SLF1: variants seen among roughly 807,000 people sequenced by gnomAD.
SLF1 encodes the protein SMC5/6 complex localization factor 1, also known as SMC5-SMC6 complex localization factor protein 1.
In SLF1, 105 loss-of-function variants were observed where a neutral mutation model predicts 123.0. The ratio of observed to expected loss-of-function variants is 0.85; its 90% confidence interval spans 0.73 to 1.00. The LOEUF is 1.00. SLF1 is among the 50% of genes least tolerant of loss of function. The probability of loss-of-function intolerance (pLI) is 0.00; values close to 1 mark genes in which losing one functional copy is unlikely to be tolerated. For missense variants in SLF1, 1,239 were observed against 1,223.0 expected (o/e 1.01, Z -0.20); for synonymous variants, 434 against 406.6 (o/e 1.07, Z -0.81).
In SLF1 at chr5:94,688,620, A is replaced by T; in HGVS notation, c.2236A>T (p.Met746Leu). ...PCFDSQRTLLMLNGTKQKQVE... is the reference protein window; with the variant it reads ...PCFDSQRTLLLLNGTKQKQVE... ...TTTTGACTCTCAGAGAACCTTACTA[A>T]TGCTGAATGGTACTAAACAAAAACA... is the stretch of plus-strand genomic sequence containing the variant. The change falls in exon 17 of 21, where the codon ATG becomes TTG. Residue 746 changes from methionine (M) to leucine (L), a missense_variant. Physicochemically the swap from Met to Leu is conservative, Grantham distance 15 (BLOSUM62 2). Coordinates refer to ENST00000265140, the MANE Select transcript of SLF1 (RefSeq NM_032290.4). The T allele has an allele frequency of 6.2e-7, 1 of 1,614,116 alleles. No individual in the cohort carries two copies. Among genetic ancestry groups the T allele is most frequent in the Non-Finnish European group, 8.5e-7 (1 of 1,179,988 alleles).
At chr5:94,670,741 A>G (rs551876505) in intron 13 of SLF1, 102 bp from the exon 14 acceptor site, 71 of 775,388 alleles carry the variant, frequency 9.2e-5, no homozygotes, top group Non-Finnish European at 1.2e-4. Context: ...TTTATGATCT[A>G]TGTTCAAAAA....
intron 1 of SLF1, among the ~76,000 whole-genome samples, chr5:94,627,705 C>A (rs1744674332): frequency 6.7e-6 from 1 of 148,280 alleles, no homozygotes. Context: ...ACCATGAGTT[C>A]TATTAACTTC....
intron 1 of SLF1, among the ~76,000 whole-genome samples, chr5:94,620,462 C>T (rs1791663333): frequency 6.6e-6 from 1 of 152,168 alleles, no homozygotes. Flanking sequence ...TCGTAATAAG[C>T]ATCCACATTT....
intron 5 of SLF1, among the ~76,000 whole-genome samples, chr5:94,646,078 C>T (rs955013424): frequency 6.6e-6 from 1 of 152,084 alleles, no homozygotes; most frequent in Non-Finnish European, 1.5e-5. Context: ...TAGCGAGACT[C>T]CATATATACA....
intron 10 of SLF1, 123 bp from the exon 11 acceptor site, chr5:94,663,627 A>G: frequency 1.1e-6 from 1 of 872,890 alleles, no homozygotes; most frequent in Non-Finnish European, 1.7e-6. Flanking sequence ...CCTGGGTAAC[A>G]GAGTGAGACT....
At chr5:94,622,439 G>T (rs983646462) in intron 1 of SLF1, among the ~76,000 whole-genome samples, 2 of 151,976 alleles carry the variant, frequency 1.3e-5, no homozygotes, top group African/African-American at 4.8e-5. Flanking sequence ...GTATTAAGTG[G>T]CATGGAAAAA....
At chr5:94,642,251 G>A (rs1746533466) in intron 4 of SLF1, among the ~76,000 whole-genome samples, 2 of 152,174 alleles carry the variant, frequency 1.3e-5, no homozygotes, top group African/African-American at 2.4e-5. Flanking sequence ...CACTTATGCT[G>A]TCAAGGAGAG....
intron 4 of SLF1, among the ~76,000 whole-genome samples, chr5:94,637,882 A>G (rs12656300): frequency 0.22 from 33,837 of 151,978 alleles, 3,906 homozygotes; most frequent in East Asian, 0.34. Context: ...TGCACAAAGT[A>G]CTGTTGAAAT....
chr5:94,671,587 T>C (rs1425082220), intron 14 of SLF1, among the ~76,000 whole-genome samples: 2 of 151,628 alleles, frequency 1.3e-5, no homozygotes, highest in African/African-American at 2.4e-5. Flanking sequence ...CAGAATGATC[T>C]CCCTTTGGAA....
chr5:94,628,827 C>T lies in SLF1; in HGVS notation c.17C>T (p.Pro6Leu), dbSNP rs1441547057. 6.5e-6 allele frequency: 10 copies of T among 1,544,942 alleles called. No individual in the cohort carries two copies. The East Asian group carries it at 1.2e-4, about 19-fold the overall frequency. The change falls in exon 2 of 21, where the codon CCA becomes CTA. Residue 6 changes from proline to leucine, a missense_variant. Pro to Leu is a moderately conservative substitution (Grantham distance 98). Transcript: ENST00000265140. The part of the protein sequence containing the change: MEDGT[P>L]KHIIQMTGFK... ...ATTTGTTAGATGGAAGATGGTACCC[C>T]AAAGCATATCATCCAGATGACAGGA...
At chr5:94,653,475 T>A in intron 8 of SLF1, 54 bp downstream of exon 8, 1 of 1,378,580 alleles carries the variant, frequency 7.3e-7, no homozygotes, top group Non-Finnish European at 9.6e-7. Flanking sequence ...GGCTGTTCTC[T>A]GATATAATCT....
At chr5:94,634,835 A>T (rs150897328) in intron 4 of SLF1, among the ~76,000 whole-genome samples, 2 of 152,118 alleles carry the variant, frequency 1.3e-5, no homozygotes, top group Non-Finnish European at 2.9e-5. Flanking sequence ...TCTGTTGGCC[A>T]TTTGTTTATC....
chr5:94,619,089 C>T (rs528778249), intron 1 of SLF1, among the ~76,000 whole-genome samples: 5 of 152,118 alleles, frequency 3.3e-5, no homozygotes, highest in Non-Finnish European at 5.9e-5. Context: ...TTGCGCAGCT[C>T]TGCCGCTCGG....
intron 14 of SLF1, among the ~76,000 whole-genome samples, chr5:94,672,009 G>A (rs1226240348): frequency 3.3e-5 from 5 of 151,792 alleles, no homozygotes; most frequent in African/African-American, 1.2e-4. Flanking sequence ...TCTCTTTTTG[G>A]CTCCATATAA....
In SLF1 at chr5:94,670,255, G is replaced by A. The variant is rs1173078518; in HGVS notation, c.1637G>A (p.Ser546Asn). Reference protein sequence around the residue: ...LLKFFFNLIESEVQHLSQKLY... With the variant: ...LLKFFFNLIENEVQHLSQKLY... Reference sequence around the variant, plus strand: ...AAATTTTTCTTTAATTTAATTGAAAGTGAAGTACAACATCTGAGTCAAAAG... The same window carrying A: ...AAATTTTTCTTTAATTTAATTGAAAATGAAGTACAACATCTGAGTCAAAAG... Residue 546 changes from serine (S) to asparagine (N), a missense_variant, in exon 13 of 21, where the codon AGT (serine) becomes AAT (asparagine). By Grantham distance (46) the Ser-to-Asn change is conservative. Transcript: ENST00000265140. The A allele has an allele frequency of 3.3e-6, 5 of 1,508,978 alleles. No individual in the cohort carries two copies. Among genetic ancestry groups the A allele is most frequent in the African/African-American group, 1.4e-5 (1 of 70,370 alleles). 93.5% of individuals were successfully genotyped at this position (1,508,978 alleles called of 1,614,324 possible). A position where few individuals can be genotyped will look rare whatever the true frequency, so the allele number is the denominator to read the frequency against.
rs114137880 is a variant in SLF1, at chr5:94,626,707, T to G, written c.1-2104T>G. On this transcript the variant is annotated intron_variant, in intron 1 of 20. Transcript: ENST00000265140. ...TTTTGATATGGAACCATAGTGTGCTTCTTAGTACATAACCTCCGAATTGAC... is the reference window on the plus strand; with the variant it reads ...TTTTGATATGGAACCATAGTGTGCTGCTTAGTACATAACCTCCGAATTGAC... Among the ~76,000 whole-genome samples, 455 of 152,326 alleles carry G rather than the reference T, an allele frequency of 3.0e-3. 2 individuals are homozygous for G. Among genetic ancestry groups the G allele is most frequent in the African/African-American group, 0.01 (425 of 41,576 alleles).
At position 94,628,360 on chromosome 5, in the gene SLF1, AT is replaced by A. The variant is rs1396576629; in HGVS notation, c.1-448del. 3.3e-5 allele frequency among the ~76,000 whole-genome samples: 5 copies of A among 149,634 alleles called. No homozygotes were observed. The East Asian group carries it at 1.0e-3, about 30-fold the overall frequency. On this transcript the variant is annotated intron_variant, in intron 1 of 20. Coordinates refer to ENST00000265140, the MANE Select transcript of SLF1 (RefSeq NM_032290.4). ...CACCATGTTGGCCAGGCTGGTCTAGATTTCCTGACCTCGTGATCCGCCGGCC... is the reference window on the plus strand; with the variant it reads ...CACCATGTTGGCCAGGCTGGTCTAGATTCCTGACCTCGTGATCCGCCGGCC...
chr5:94,627,437 T>C (rs2152465056), intron 1 of SLF1, among the ~76,000 whole-genome samples: 1 of 152,070 alleles, frequency 6.6e-6, no homozygotes, highest in South Asian at 2.1e-4. Context: ...TTCTGTGAGT[T>C]ATGTACTCCC....
chr5:94,627,191 C>T (rs530068342), intron 1 of SLF1, among the ~76,000 whole-genome samples: 7 of 152,086 alleles, frequency 4.6e-5, no homozygotes, highest in African/African-American at 1.7e-4. Flanking sequence ...TGAAAGAAGT[C>T]ATTGTTTCTT....
Sources: gnomAD v4.1 joint callset for allele counts (sites outside exome capture counted in the v4.1 genomes callset) on GRCh38, gnomAD v4.1.1 for gene constraint, MANE v1.5 for transcripts, NCBI Gene and HGNC (gene_info 2026-07-23, HGNC 2026-07-21) for gene names.